Variants in NR2E3 observed in about 807,000 individuals in gnomAD.
NR2E3 encodes the protein photoreceptor-specific nuclear receptor.
NR2E3 carries 38 observed loss-of-function variants against 37.6 expected under a neutral mutation model. The ratio of observed to expected loss-of-function variants is 1.01; its 90% CI spans 0.78 to 1.33. The LOEUF (loss-of-function observed/expected upper bound fraction) is 1.33. Ranked by LOEUF, NR2E3 falls within the 40% of genes most tolerant of loss-of-function variation. The pLI is 0.00. For synonymous variants in NR2E3, 235 were observed against 225.1 expected (o/e 1.04, Z -0.39); for missense variants, 562 against 558.7 (o/e 1.01, Z -0.06).
At chr15:71,814,403 CAG>C (rs1280700665) in intron 7 of NR2E3, 2 of 1,186,554 alleles carry the variant, frequency 1.7e-6, no homozygotes, top group African/African-American at 1.6e-5. Flanking sequence ...CTGCAGGAGA[CAG>C]AGATCCCCTT....
chr15:71,816,303 C>G (rs2054225610), intron 7 of NR2E3, among the ~76,000 whole-genome samples: 2 of 149,348 alleles, frequency 1.3e-5, no homozygotes, highest in Non-Finnish European at 3.0e-5. Context: ...CTCTGTCACC[C>G]AGGCTGGAGC....
At position 71,813,919 on chromosome 15, in the gene NR2E3, T is replaced by C. The variant is rs1304871606; in HGVS notation, c.995-93T>C. The C allele has an allele frequency of 2.6e-6, 4 of 1,546,390 alleles. No homozygotes were observed. The African/African-American group carries it at 4.1e-5, about 16-fold the overall frequency. ...CCCACCCCACAGGGCCCCAGGTCCATGTCTGCAGCCAGAACCCTGGGCCAC... is the reference window on the plus strand; with the variant it reads ...CCCACCCCACAGGGCCCCAGGTCCACGTCTGCAGCCAGAACCCTGGGCCAC... On this transcript the variant is annotated intron_variant, in intron 6 of 7. Coordinates refer to ENST00000617575, the MANE Select transcript of NR2E3 (RefSeq NM_014249.4). The surrounding 1 kb of genome is among the most constrained non-coding windows in gnomAD (Gnocchi z 4.7).
In NR2E3 at chr15:71,813,245, A is replaced by G. The variant is rs1350562399; in HGVS notation, c.748-144A>G. 5.3e-6 allele frequency: 6 copies of G among 1,137,166 alleles called. No individual in the cohort carries two copies. Among genetic ancestry groups the G allele is most frequent in the Non-Finnish European group, 6.2e-6 (5 of 802,062 alleles). The allele number at this position is 1,137,166 out of a possible 1,614,324, so 70.4% of individuals were successfully genotyped here. On this transcript the variant is annotated intron_variant, in intron 5 of 7. Coordinates refer to ENST00000617575, the MANE Select transcript of NR2E3 (RefSeq NM_014249.4). This position sits in a 1 kb window ranked among gnomAD's most constrained non-coding sequence, Gnocchi z 4.7. ...GATGGTGCCAAATCCCAGAGCTCTG[A>G]GCCTCTGGCTGATGTCAGGAGAGCA...
chr15:71,810,754 G>T lies in NR2E3; in HGVS notation c.11G>T (p.Arg4Ile). The change falls in exon 1 of 8, where the codon AGA becomes ATA. Residue 4 changes from arginine to isoleucine, a missense_variant. By Grantham distance (97) the Arg-to-Ile change is moderately conservative. Transcript: ENST00000617575. Reference sequence around the variant, plus strand: ...GCTGCCCTGTAACCCATGGAGACCAGACCAACAGCTCTGATGAGCTCCACA... The same window carrying T: ...GCTGCCCTGTAACCCATGGAGACCATACCAACAGCTCTGATGAGCTCCACA... MET[R>I]PTALMSSTVA... The T allele has an allele frequency of 6.4e-7, 1 of 1,570,356 alleles. No homozygotes were observed. Among genetic ancestry groups the T allele is most frequent in the South Asian group, 1.2e-5 (1 of 85,096 alleles).
rs1279811728 is a variant in NR2E3, at chr15:71,811,448, C to T, written c.119-35C>T. 2.7e-6 allele frequency: 4 copies of T among 1,488,644 alleles called. No homozygotes were observed. Among genetic ancestry groups the T allele is most frequent in the African/African-American group, 3.5e-5 (2 of 57,424 alleles). 92.2% of individuals were successfully genotyped at this position (1,488,644 alleles called of 1,614,324 possible). On this transcript the variant is annotated intron_variant, in intron 1 of 7. Transcript: ENST00000617575. This position sits in a 1 kb window ranked among gnomAD's most constrained non-coding sequence, Gnocchi z 5.6. ...GCGTGCAGCCCTGCCCCGGCCCAGCCCTGCCCTGGCCCAGCCCTGCCCCCT... is the reference window on the plus strand; with the variant it reads ...GCGTGCAGCCCTGCCCCGGCCCAGCTCTGCCCTGGCCCAGCCCTGCCCCCT...
rs763706390 is a variant in NR2E3, at chr15:71,811,506, C to T, written c.142C>T (p.Arg48Cys). ...PTGVSPSLQC[R>C]VCGDSSSGKH... ...AGGCGTGAGCCCCTCGCTCCAGTGC[C>T]GCGTGTGCGGAGACAGCAGCAGCGG... Residue 48 changes from arginine (R) to cysteine (C), a missense_variant, in exon 2 of 8, where the codon CGC (arginine) becomes TGC (cysteine). By Grantham distance (180) the Arg-to-Cys change is radical (BLOSUM62 -3). Transcript: ENST00000617575. The surrounding 1 kb of genome is among the most constrained non-coding windows in gnomAD (Gnocchi z 5.6). 48 of 1,564,580 alleles carry T rather than the reference C, an allele frequency of 3.1e-5. No individual in the cohort carries two copies. Among genetic ancestry groups the T allele is most frequent in the Non-Finnish European group, 3.9e-5 (45 of 1,155,178 alleles).
rs758153191 is a variant in NR2E3, at chr15:71,813,393, T to A, written c.752T>A (p.Ile251Asn). ...FSSLPFRDQV[I>N]LLEEAWSELF... ...GGCACCCCTGTCTGAGCACAGGTGA[T>A]CCTGCTGGAAGAGGCGTGGAGTGAA... Residue 251 changes from isoleucine (I) to asparagine (N), a missense_variant, in exon 6 of 8, where the codon ATC (isoleucine) becomes AAC (asparagine). Ile to Asn is a moderately radical substitution (Grantham distance 149, BLOSUM62 -3). Coordinates refer to ENST00000617575, the MANE Select transcript of NR2E3 (RefSeq NM_014249.4). The surrounding 1 kb of genome is among the most constrained non-coding windows in gnomAD (Gnocchi z 4.7). 5.6e-6 allele frequency: 9 copies of A among 1,611,288 alleles called. No homozygotes were observed. Among genetic ancestry groups the A allele is most frequent in the Non-Finnish European group, 7.6e-6 (9 of 1,178,854 alleles).
In NR2E3 at chr15:71,818,078, G is replaced by A. The variant is rs540299575; in HGVS notation, c.*394G>A. 5 of 161,224 alleles carry A rather than the reference G, an allele frequency of 3.1e-5. No individual in the cohort carries two copies. In the South Asian group the frequency reaches 9.2e-4, roughly 30 times the overall value. The allele number at this position is 161,224 out of a possible 1,614,324, so 10.0% of individuals were successfully genotyped here. Reference sequence around the variant, plus strand: ...AAGTTGGAATAGTGGTTACTTCTGGGTGGTGGGGGATTGATACAGAGGGGG... The same window carrying A: ...AAGTTGGAATAGTGGTTACTTCTGGATGGTGGGGGATTGATACAGAGGGGG... On this transcript the variant is annotated 3_prime_UTR_variant, in exon 8 of 8. Coordinates refer to ENST00000617575, the MANE Select transcript of NR2E3 (RefSeq NM_014249.4).
intron 7 of NR2E3, chr15:71,814,546 C>A (rs1359827576): frequency 3.3e-5 from 32 of 975,826 alleles, no homozygotes; most frequent in Non-Finnish European, 3.8e-5. Flanking sequence ...GTTGTTAGAA[C>A]AGGAGCCCAC....
In NR2E3 at chr15:71,813,653, C is replaced by G; in HGVS notation, c.994+18C>G. ...CAAGCCAGGTAACTGAGTCTCTGCC[C>G]AAACCTTGAGTGGGAATTCTGGTGA... On this transcript the variant is annotated intron_variant, in intron 6 of 7. Coordinates refer to ENST00000617575, the MANE Select transcript of NR2E3 (RefSeq NM_014249.4). This position sits in a 1 kb window ranked among gnomAD's most constrained non-coding sequence, Gnocchi z 4.7. 1 of 1,612,882 alleles carries G rather than the reference C, an allele frequency of 6.2e-7. No homozygotes were observed.
intron 7 of NR2E3, among the ~76,000 whole-genome samples, chr15:71,815,609 C>G (rs2054220632): frequency 1.3e-5 from 2 of 152,282 alleles, no homozygotes; most frequent in Non-Finnish European, 2.9e-5. Context: ...GGTTCATTGC[C>G]TACTACAAGG....
At position 71,813,729 on chromosome 15, in the gene NR2E3, G is replaced by T; in HGVS notation, c.994+94G>T. ...CCACTACCCCCATGTGTGCAGATGT[G>T]TGTAGGCCTCTATCCTGGGGGGTGG... is the stretch of plus-strand genomic sequence containing the variant. On this transcript the variant is annotated intron_variant, in intron 6 of 7. Transcript: ENST00000617575. The surrounding 1 kb of genome is among the most constrained non-coding windows in gnomAD (Gnocchi z 4.7). 1 of 1,578,912 alleles carries T rather than the reference G, an allele frequency of 6.3e-7. No individual in the cohort carries two copies. Among genetic ancestry groups the T allele is most frequent in the Non-Finnish European group, 8.6e-7 (1 of 1,160,146 alleles).
rs2054193343 is a variant in NR2E3, at chr15:71,812,476, C to T, written c.712C>T (p.Leu238=). Residue 238 remains leucine, a synonymous_variant, in exon 5 of 8, where the codon CTG becomes TTG. Coordinates refer to ENST00000617575, the MANE Select transcript of NR2E3 (RefSeq NM_014249.4). ...LFMAVKWAKN[L]PVFSSLPFRD... The stretch of plus-strand genomic sequence containing the variant: ...CATGGCCGTCAAGTGGGCCAAGAAC[C>T]TGCCTGTGTTCTCCAGCCTGCCCTT... 1 of 1,613,568 alleles carries T rather than the reference C, an allele frequency of 6.2e-7. No individual in the cohort carries two copies. The highest frequency in any genetic ancestry group is 8.5e-7 in the Non-Finnish European group (1 of 1,179,562).
At position 71,813,374 on chromosome 15, in the gene NR2E3, CCTGT is replaced by C. The variant is rs1387719036; in HGVS notation, c.748-11_748-8del. 1 of 1,608,688 alleles carries C rather than the reference CCTGT, an allele frequency of 6.2e-7. No individual in the cohort carries two copies. Among genetic ancestry groups the C allele is most frequent in the African/African-American group, 1.3e-5 (1 of 74,856 alleles). Reference sequence around the variant, plus strand: ...CTGTGTGTCTGCCATAACAGGCACCCCTGTCTGAGCACAGGTGATCCTGCTGGAA... The same window carrying C: ...CTGTGTGTCTGCCATAACAGGCACCCCTGAGCACAGGTGATCCTGCTGGAA... On this transcript the variant is annotated splice_polypyrimidine_tract_variant and intron_variant, in intron 5 of 7. Transcript: ENST00000617575. This position sits in a 1 kb window ranked among gnomAD's most constrained non-coding sequence, Gnocchi z 4.7.
rs1441816384 is a variant in NR2E3, at chr15:71,812,115, C to G, written c.510C>G (p.Gly170=). Residue 170 remains glycine (G), a synonymous_variant, in exon 4 of 8, where the codon GGC becomes GGG. Coordinates refer to ENST00000617575, the MANE Select transcript of NR2E3 (RefSeq NM_014249.4). The part of the protein sequence containing the change: ...PTPMSAARAL[G]HHFMASLITA... ...CCATGTCTGCAGCCAGAGCCCTGGG[C>G]CACCACTTCATGGCCAGCCTTATAA... The G allele has an allele frequency of 6.4e-7, 1 of 1,558,122 alleles. No homozygotes were observed. Among genetic ancestry groups the G allele is most frequent in the Non-Finnish European group, 8.7e-7 (1 of 1,151,318 alleles).
rs1326436136 is a variant in NR2E3, at chr15:71,813,678, A to C, written c.994+43A>C. 1 of 1,609,564 alleles carries C rather than the reference A, an allele frequency of 6.2e-7. No homozygotes were observed. Reference sequence around the variant, plus strand: ...CAAACCTTGAGTGGGAATTCTGGTGACTTCCATCTGCCTCTCACTCTCCCT... The same window carrying C: ...CAAACCTTGAGTGGGAATTCTGGTGCCTTCCATCTGCCTCTCACTCTCCCT... On this transcript the variant is annotated intron_variant, in intron 6 of 7. Transcript: ENST00000617575. This position sits in a 1 kb window ranked among gnomAD's most constrained non-coding sequence, Gnocchi z 4.7.
intron 7 of NR2E3, chr15:71,817,344 C>T (rs1031444093): frequency 1.3e-4 from 56 of 415,442 alleles, no homozygotes; most frequent in East Asian, 1.9e-4. Flanking sequence ...GTGATCCGCC[C>T]GCCTCAGCCT....
chr15:71,812,115 C>A lies in NR2E3; in HGVS notation c.510C>A (p.Gly170=). Residue 170 remains glycine, a synonymous_variant, in exon 4 of 8, where the codon GGC becomes GGA. Coordinates refer to ENST00000617575, the MANE Select transcript of NR2E3 (RefSeq NM_014249.4). ...PTPMSAARAL[G]HHFMASLITA... ...CCATGTCTGCAGCCAGAGCCCTGGG[C>A]CACCACTTCATGGCCAGCCTTATAA... The A allele has an allele frequency of 6.4e-7, 1 of 1,558,122 alleles. No individual in the cohort carries two copies. Among genetic ancestry groups the A allele is most frequent in the East Asian group, 2.4e-5 (1 of 41,402 alleles).
chr15:71,812,576 A>G lies in NR2E3; in HGVS notation c.747+65A>G, dbSNP rs371699680. On this transcript the variant is annotated intron_variant, in intron 5 of 7. Coordinates refer to ENST00000617575, the MANE Select transcript of NR2E3 (RefSeq NM_014249.4). ...GGGGTCAGGCGGCCCACTCGAGTCA[A>G]CCAGACAGGGCACACACATCCCCAC... The G allele has an allele frequency of 5.2e-5, 75 of 1,428,612 alleles. 1 individual carries two copies. The East Asian group carries it at 6.8e-4, about 13-fold the overall frequency. The allele number at this position is 1,428,612 out of a possible 1,614,324, so 88.5% of individuals were successfully genotyped here.
Sources: allele counts gnomAD v4.1 joint callset (sites outside exome capture counted in the v4.1 genomes callset), GRCh38; gene constraint gnomAD v4.1.1; non-coding constraint Gnocchi (gnomAD v3.1); transcripts MANE v1.5; gene names NCBI Gene and HGNC (gene_info 2026-07-23, HGNC 2026-07-21).